The following TRAF3IP1 variants were observed in gnomAD, a reference collection of about 807,000 sequenced individuals.
TRAF3IP1 encodes the protein TRAF3-interacting protein 1.
In TRAF3IP1, 53 loss-of-function variants were observed where a neutral mutation model predicts 89.9. That is an observed-to-expected ratio of 0.59 (90% CI 0.47 to 0.74). TRAF3IP1 has a LOEUF of 0.74. Ranked by LOEUF, TRAF3IP1 falls within the 30% of genes least tolerant of loss-of-function variation. The pLI is 0.00. For synonymous variants in TRAF3IP1, 311 were observed against 322.1 expected (o/e 0.97, Z 0.37); for missense variants, 806 against 866.1 (o/e 0.93, Z 0.87).
At chr2:238,358,262 C>T (rs1457221888) in intron 15 of TRAF3IP1, among the ~76,000 whole-genome samples, 3 of 151,994 alleles carry the variant, frequency 2.0e-5, no homozygotes, top group South Asian at 2.1e-4. Flanking sequence ...TGTGGCCAGG[C>T]GCAGTGACTT....
intron 9 of TRAF3IP1, among the ~76,000 whole-genome samples, chr2:238,346,406 G>A (rs1006803289): frequency 6.6e-6 from 1 of 152,178 alleles, no homozygotes. Flanking sequence ...GGCACTTTGT[G>A]GGGTGTGACC....
intron 15 of TRAF3IP1, among the ~76,000 whole-genome samples, chr2:238,394,159 G>A (rs1315907737): frequency 1.3e-5 from 2 of 152,172 alleles, no homozygotes; most frequent in Non-Finnish European, 2.9e-5. Context: ...TCACACAACT[G>A]CACTCCAGCC....
intron 14 of TRAF3IP1, among the ~76,000 whole-genome samples, chr2:238,355,710 A>T (rs1043884941): frequency 2.0e-5 from 3 of 147,030 alleles, no homozygotes; most frequent in African/African-American, 7.5e-5. Flanking sequence ...TTTGGATGTC[A>T]ATCTACACTC....
rs781400610 is a variant in TRAF3IP1, at chr2:238,347,879, G to A, written c.1282+404G>A. ...TGACCTCAGGTGATCCACCTGCCTCGGCCTCCCAAAGTTCTGGGATTACAG... is the reference window on the plus strand; with the variant it reads ...TGACCTCAGGTGATCCACCTGCCTCAGCCTCCCAAAGTTCTGGGATTACAG... On this transcript the variant is annotated intron_variant, in intron 10 of 16. Transcript: ENST00000373327. 4.6e-5 allele frequency among the ~76,000 whole-genome samples: 7 copies of A among 151,954 alleles called. No individual in the cohort carries two copies. In the East Asian group the frequency reaches 7.7e-4, roughly 17 times the overall value.
Position 238,328,708 on chromosome 2 carries a change from G to C in TRAF3IP1, c.377G>C (p.Arg126Pro), listed in dbSNP as rs199981238. 3 of 1,613,772 alleles carry C rather than the reference G, an allele frequency of 1.9e-6. No homozygotes were observed. The highest frequency in any genetic ancestry group is 2.5e-6 in the Non-Finnish European group (3 of 1,179,942). Residue 126 changes from arginine to proline, a missense_variant, in exon 4 of 17, where the codon CGG (arginine) becomes CCG (proline). Arg to Pro is a moderately radical substitution (Grantham distance 103, BLOSUM62 -2). Coordinates refer to ENST00000373327, the MANE Select transcript of TRAF3IP1 (RefSeq NM_015650.4). ...LNKLSSDDAV[R>P]RVLAGEKGEV... ...AAGCTCTCTAGTGACGATGCGGTGC[G>C]GAGGGTTTTAGCTGGAGAGAAGGGA... is the stretch of plus-strand genomic sequence containing the variant.
At chr2:238,327,883 C>T (rs1697916029) in intron 3 of TRAF3IP1, among the ~76,000 whole-genome samples, 1 of 152,130 alleles carries the variant, frequency 6.6e-6, no homozygotes, top group African/African-American at 2.4e-5. Context: ...ATAATGTTCT[C>T]AAGGTTTATC....
chr2:238,389,861 CAAT>C (rs1700923575), intron 15 of TRAF3IP1, among the ~76,000 whole-genome samples: 1 of 151,902 alleles, frequency 6.6e-6, no homozygotes, highest in African/African-American at 2.4e-5. Flanking sequence ...GACTTATAAT[CAAT>C]AACTATAAAT....
chr2:238,397,332 C>A, intron 15 of TRAF3IP1, 127 bp from the exon 16 acceptor site: 2 of 760,596 alleles, frequency 2.6e-6, no homozygotes, highest in Non-Finnish European at 4.4e-6. Flanking sequence ...GTGAGTGTCC[C>A]ACAACCAGCA....
chr2:238,326,322 T>G (rs566061335), intron 3 of TRAF3IP1, among the ~76,000 whole-genome samples: 1 of 152,298 alleles, frequency 6.6e-6, no homozygotes, highest in South Asian at 2.1e-4. Flanking sequence ...TGAGGACAGG[T>G]GGCTGCTTCC....
chr2:238,338,399 C>T lies in TRAF3IP1; in HGVS notation c.1101C>T (p.Asp367=), dbSNP rs769614256. 3 of 1,599,554 alleles carry T rather than the reference C, an allele frequency of 1.9e-6. No homozygotes were observed. The highest frequency in any genetic ancestry group is 4.5e-5 in the East Asian group (2 of 44,720). The change falls in exon 8 of 17, where the codon GAC becomes GAT. Residue 367 remains aspartate, a synonymous_variant. Transcript: ENST00000373327. The part of the protein sequence containing the change: ...KEDNISAKSL[D]SIVSGINNEP... ...ATAATATTTCAGCTAAAAGTTTAGA[C>T]TCCATAGTGTCTGGAATAAATAATG...
At chr2:238,389,341 A>C (rs1190291914) in intron 15 of TRAF3IP1, among the ~76,000 whole-genome samples, 3 of 152,094 alleles carry the variant, frequency 2.0e-5, no homozygotes, top group African/African-American at 7.2e-5. Context: ...TGAATGTTGC[A>C]CCCAGTGGGT....
chr2:238,374,510 G>A (rs1676638316), intron 15 of TRAF3IP1, among the ~76,000 whole-genome samples: 1 of 152,112 alleles, frequency 6.6e-6, no homozygotes, highest in Admixed American at 6.5e-5. Flanking sequence ...TTTTTTTGAT[G>A]TGCTGCTGGA....
At chr2:238,392,914 G>A (rs1701056209) in intron 15 of TRAF3IP1, among the ~76,000 whole-genome samples, 1 of 152,222 alleles carries the variant, frequency 6.6e-6, no homozygotes, top group African/African-American at 2.4e-5. Context: ...TTTCCCTGGT[G>A]TGGATGCACC....
chr2:238,368,761 C>T (rs1699987802), intron 15 of TRAF3IP1, among the ~76,000 whole-genome samples: 1 of 152,092 alleles, frequency 6.6e-6, no homozygotes, highest in Admixed American at 6.5e-5. Flanking sequence ...CCCTCTGCCT[C>T]CCAGGTTCAA....
intron 9 of TRAF3IP1, among the ~76,000 whole-genome samples, chr2:238,346,740 A>G (rs1449146569): frequency 6.6e-6 from 1 of 152,172 alleles, no homozygotes; most frequent in Non-Finnish European, 1.5e-5. Flanking sequence ...TCTGCCGTAT[A>G]GTGTGCTGGG....
intron 15 of TRAF3IP1, among the ~76,000 whole-genome samples, chr2:238,367,163 C>CAAAAAAAAAAAAAAA (rs33964253): frequency 1.7e-4 from 6 of 36,160 alleles, no homozygotes; most frequent in African/African-American, 5.4e-4. Context: ...GACTCTGTCT[C>CAAAAAAAAAAAAAAA]AAAAAAAAAA....
chr2:238,332,777 A>G (rs180939256), intron 5 of TRAF3IP1, 47 bp from the exon 6 acceptor site: 1 of 1,379,504 alleles, frequency 7.2e-7, no homozygotes, highest in East Asian at 2.3e-5. Context: ...TTTAGATATT[A>G]TGGATTGGAA....
At chr2:238,355,116 G>A (rs1699351450) in intron 14 of TRAF3IP1, among the ~76,000 whole-genome samples, 1 of 152,144 alleles carries the variant, frequency 6.6e-6, no homozygotes. Context: ...TCAACCTTTA[G>A]GCATTAGTGT....
chr2:238,372,842 T>C (rs1327812218), intron 15 of TRAF3IP1, among the ~76,000 whole-genome samples: 1 of 152,246 alleles, frequency 6.6e-6, no homozygotes, highest in African/African-American at 2.4e-5. Flanking sequence ...CGTGAGATGG[T>C]ATCTCATGGT....
Sources: allele counts gnomAD v4.1 joint callset (sites outside exome capture counted in the v4.1 genomes callset), GRCh38; gene constraint gnomAD v4.1.1; transcripts MANE v1.5; gene names NCBI Gene and HGNC (gene_info 2026-07-23, HGNC 2026-07-21).